METTL21A: variants seen among roughly 807,000 people sequenced by gnomAD.
METTL21A encodes the protein methyltransferase 21A, HSPA lysine, also known as protein N-lysine methyltransferase METTL21A.
Under a neutral mutation model 20.9 loss-of-function variants are expected in METTL21A, and 22 were observed. The ratio of observed to expected loss-of-function variants is 1.05; its 90% CI spans 0.75 to 1.50. The LOEUF (loss-of-function observed/expected upper bound fraction) is 1.50. METTL21A is among the 40% of genes most tolerant of loss of function. The pLI is 0.00. For synonymous variants in METTL21A, 93 were observed against 102.0 expected, an observed-to-expected ratio of 0.91 and a Z score of 0.53; for missense variants, 271 against 266.8, an observed-to-expected ratio of 1.02 and a Z score of -0.11.
At chr2:207,613,158 T>A in exon 4 of METTL21A, 1 of 1,614,024 alleles carries the variant, frequency 6.2e-7, no homozygotes, top group Non-Finnish European at 8.5e-7. Flanking sequence ...TGCTAAGAAG[T>A]TGTTATCCCG....
intron 3 of METTL21A, chr2:207,600,987 GTC>G (rs10559988): frequency 0.82 from 159,387 of 193,928 alleles, 65,834 homozygotes; most frequent in East Asian, 0.98. Context: ...CCATAAATTG[GTC>G]TCTGTTTATT....
At chr2:207,622,008 A>G (rs1559130266) in intron 2 of METTL21A, 91 bp from the exon 3 acceptor site, 8 of 1,066,010 alleles carry the variant, frequency 7.5e-6, no homozygotes, top group African/African-American at 3.1e-5. Context: ...CCCCTCTCCC[A>G]CTTCGAGGTT....
intron 3 of METTL21A, chr2:207,600,659 G>T (rs2086890044): frequency 4.7e-6 from 1 of 210,630 alleles, no homozygotes; most frequent in African/African-American, 2.3e-5. Context: ...TTTGAGCAGG[G>T]ATTTTGTCAG....
At chr2:207,602,068 A>G (rs1428071876) in intron 3 of METTL21A, 6 of 204,770 alleles carry the variant, frequency 2.9e-5, no homozygotes, top group Non-Finnish European at 6.0e-5. Flanking sequence ...CTGAAGTTCC[A>G]TCTGTCTCAT....
chr2:207,595,742 A>T lies in METTL21A; in HGVS notation c.260-13582T>A, dbSNP rs567619923. On this transcript the variant is annotated intron_variant, in intron 3 of 3. Coordinates refer to the METTL21A transcript ENST00000425132. ...ACCACACTTGGCTAAATTTTTAAAA[A>T]TTTTTTTTTAGAGACAGGGTCTTAA... Among the ~76,000 whole-genome samples the T allele has an allele frequency of 2.0e-3, 304 of 151,504 alleles. 1 individual carries two copies. Among genetic ancestry groups the T allele is most frequent in the African/African-American group, 6.9e-3 (287 of 41,316 alleles).
chr2:207,590,223 G>A (rs2084750501), intron 3 of METTL21A, among the ~76,000 whole-genome samples: 1 of 149,658 alleles, frequency 6.7e-6, no homozygotes, highest in African/African-American at 2.5e-5. Flanking sequence ...AGAGTTGTTT[G>A]TAGTGTTAGT....
chr2:207,585,835 A>T (rs2083721637), intron 3 of METTL21A, among the ~76,000 whole-genome samples: 1 of 152,182 alleles, frequency 6.6e-6, no homozygotes, highest in Non-Finnish European at 1.5e-5. Context: ...AACCCAGTCA[A>T]ACACACACTA....
At chr2:207,619,741 C>G (rs2090251946) in intron 3 of METTL21A, among the ~76,000 whole-genome samples, 1 of 149,008 alleles carries the variant, frequency 6.7e-6, no homozygotes, top group Non-Finnish European at 1.5e-5. Flanking sequence ...CTGACTTTCC[C>G]AACCCCAGAG....
chr2:207,622,161 A>ATTTT (rs11326646), intron 2 of METTL21A, among the ~76,000 whole-genome samples: 7 of 122,324 alleles, frequency 5.7e-5, no homozygotes, highest in African/African-American at 1.2e-4. Flanking sequence ...GGAAAGCTTA[A>ATTTT]TTTTTTTTTT....
intron 3 of METTL21A, chr2:207,582,854 C>A: frequency 3.1e-6 from 1 of 327,622 alleles, no homozygotes; most frequent in Non-Finnish European, 6.1e-6. Flanking sequence ...GATGGCACTA[C>A]TACTCCAGCC....
At chr2:207,582,916 A>ATATAT (rs200152562) in intron 3 of METTL21A, 2 of 232,450 alleles carry the variant, frequency 8.6e-6, no homozygotes, top group Non-Finnish European at 8.7e-6. Flanking sequence ...CAAACAAAAA[A>ATATAT]AAATATATAT....
downstream of METTL21A, chr2:207,609,709 T>C (rs1450175924): frequency 6.6e-6 from 1 of 152,138 alleles, no homozygotes; most frequent in Non-Finnish European, 1.5e-5. Context: ...ATTAAGACAT[T>C]TGAGCAAGGG....
intron 3 of METTL21A, among the ~76,000 whole-genome samples, chr2:207,593,752 C>T (rs1370885760): frequency 4.8e-5 from 7 of 146,934 alleles, no homozygotes; most frequent in Non-Finnish European, 9.0e-5. Flanking sequence ...GACGGAAACA[C>T]CTATCACCCA....
exon 3 of METTL21A, chr2:207,621,831 C>A (rs1294548448): frequency 6.2e-7 from 1 of 1,614,194 alleles, no homozygotes; most frequent in Non-Finnish European, 8.5e-7. Flanking sequence ...CTATGCCCAC[C>A]AGCCCCGTGC....
chr2:207,620,044 A>C (rs1401082504), intron 3 of METTL21A, among the ~76,000 whole-genome samples: 6 of 152,260 alleles, frequency 3.9e-5, no homozygotes, highest in African/African-American at 1.4e-4. Flanking sequence ...ACACCAGCCA[A>C]GAAAGTTTTG....
chr2:207,592,659 G>A (rs573356350), intron 3 of METTL21A, among the ~76,000 whole-genome samples: 9 of 152,048 alleles, frequency 5.9e-5, no homozygotes, highest in African/African-American at 2.2e-4. Flanking sequence ...AGTGGCTCAC[G>A]CATGTAATCC....
rs2090854676 is a variant in METTL21A, at chr2:207,624,286, C to G, written c.90G>C (p.Thr30=). The change falls in exon 2 of 4, where the codon ACG becomes ACC. Residue 30 remains threonine, a synonymous_variant. Coordinates refer to ENST00000406927, the Ensembl canonical transcript of METTL21A. ...GTCTCCAGTCCTGCCGGATCTGGAT[C>G]GTGTGGTTTGCAAAGGAAAAAGTTG... 5 of 1,613,868 alleles carry G rather than the reference C, an allele frequency of 3.1e-6. No individual in the cohort carries two copies. In the South Asian group the frequency reaches 3.3e-5, roughly 11 times the overall value.
intron 3 of METTL21A, among the ~76,000 whole-genome samples, chr2:207,590,096 T>TG (rs1249713001): frequency 3.5e-5 from 5 of 142,598 alleles, no homozygotes; most frequent in Middle Eastern, 3.5e-3. Flanking sequence ...TTTTTTTTTT[T>TG]TTTTTTTTTT....
In METTL21A at chr2:207,584,313, A is replaced by T. The variant is rs150360893; in HGVS notation, c.260-2153T>A. ...GTTCAGTTGCTTTGTATCCTTGCCA[A>T]AACTTGACATTGTCAGGTTTATTGT... On this transcript the variant is annotated intron_variant, in intron 3 of 3. Coordinates refer to the METTL21A transcript ENST00000425132. 1.3e-3 allele frequency among the ~76,000 whole-genome samples: 200 copies of T among 152,318 alleles called. 1 individual carries two copies. Among genetic ancestry groups the T allele is most frequent in the African/African-American group, 4.3e-3 (177 of 41,556 alleles).
Sources: gnomAD v4.1 joint callset for allele counts (sites outside exome capture counted in the v4.1 genomes callset) on GRCh38, gnomAD v4.1.1 for gene constraint, MANE v1.5 for transcripts, NCBI Gene and HGNC (gene_info 2026-07-23, HGNC 2026-07-21) for gene names.